Variants in NAALAD2 observed in about 807,000 individuals in gnomAD.
The protein encoded by NAALAD2 is N-acetylated-alpha-linked acidic dipeptidase 2.
In NAALAD2, 89 loss-of-function variants were observed where a neutral mutation model predicts 95.6. The observed-to-expected ratio is 0.93, with a 90% CI of 0.78 to 1.11. NAALAD2 has a LOEUF of 1.11. Ranked by LOEUF, NAALAD2 falls within the 50% of genes least tolerant of loss-of-function variation. The pLI is 0.00. For synonymous variants in NAALAD2, 264 were observed against 294.4 expected, an observed-to-expected ratio of 0.90 and a Z score of 1.06; for missense variants, 894 against 872.4, an observed-to-expected ratio of 1.02 and a Z score of -0.31.
intron 14 of NAALAD2, among the ~76,000 whole-genome samples, chr11:90,174,593 T>C (rs542315806): frequency 1.3e-5 from 2 of 152,090 alleles, no homozygotes; most frequent in Non-Finnish European, 2.9e-5. Context: ...CTTGTAAATT[T>C]ATTAAGGAAC....
intron 2 of NAALAD2, among the ~76,000 whole-genome samples, chr11:90,137,314 T>A (rs1202716906): frequency 6.6e-6 from 1 of 152,164 alleles, no homozygotes; most frequent in Non-Finnish European, 1.5e-5. Flanking sequence ...ATAGGGCAAC[T>A]ATAGTTAACA....
At chr11:90,164,832 T>G (rs1952390294) in intron 11 of NAALAD2, among the ~76,000 whole-genome samples, 1 of 152,182 alleles carries the variant, frequency 6.6e-6, no homozygotes. Context: ...GTTTGAAATG[T>G]TAAACCTATA....
At chr11:90,135,793 C>CA in intron 2 of NAALAD2, 123 bp downstream of exon 2, 1 of 607,806 alleles carries the variant, frequency 1.6e-6, no homozygotes, top group Non-Finnish European at 2.4e-6. Flanking sequence ...TATTAGTCAT[C>CA]AACTTTTTTT....
chr11:90,165,988 C>T (rs1480263350), intron 11 of NAALAD2, among the ~76,000 whole-genome samples: 4 of 152,182 alleles, frequency 2.6e-5, no homozygotes, highest in Non-Finnish European at 4.4e-5. Flanking sequence ...TGATTATATT[C>T]AGTAGCATGC....
Position 90,168,972 on chromosome 11 carries a change from A to G in NAALAD2, c.1322A>G (p.Asn441Ser). 6.2e-7 allele frequency: 1 copy of G among 1,605,066 alleles called. No individual in the cohort carries two copies. The highest frequency in any genetic ancestry group is 8.5e-7 in the Non-Finnish European group (1 of 1,177,236). ...CAGGAGAGAAGCATTGCTTATATCA[A>G]CTCGGATTCATCTATAGAAGGTAAA... ...ILQERSIAYI[N>S]SDSSIEGNYT... The change falls in exon 12 of 19, where the codon AAC becomes AGC. Residue 441 changes from asparagine to serine, a missense_variant. Transcript: ENST00000534061.
At chr11:90,144,751 A>AAAAAAAAAC (rs1302470810) in intron 2 of NAALAD2, among the ~76,000 whole-genome samples, 1 of 150,958 alleles carries the variant, frequency 6.6e-6, no homozygotes, top group Non-Finnish European at 1.5e-5. Context: ...AAAAAAAAAA[A>AAAAAAAAAC]AAAACGGAAA....
intron 4 of NAALAD2, among the ~76,000 whole-genome samples, chr11:90,150,100 C>T (rs1951847566): frequency 6.6e-6 from 1 of 151,858 alleles, no homozygotes; most frequent in African/African-American, 2.4e-5. Context: ...TTAAAAAATA[C>T]AAAAATTATC....
chr11:90,162,749 CATA>C (rs1952331532), intron 8 of NAALAD2, 197 bp from the exon 9 acceptor site: 1 of 340,368 alleles, frequency 2.9e-6, no homozygotes, highest in African/African-American at 2.1e-5. Flanking sequence ...AGTAAATTGG[CATA>C]ATGTCTGTAC....
intron 6 of NAALAD2, among the ~76,000 whole-genome samples, chr11:90,157,104 A>G (rs1171200398): frequency 6.6e-6 from 1 of 152,154 alleles, no homozygotes; most frequent in Non-Finnish European, 1.5e-5. Flanking sequence ...ATTAGGTCAA[A>G]TTAGTTAATA....
chr11:90,150,711 T>G, intron 5 of NAALAD2, 104 bp downstream of exon 5: 1 of 1,057,498 alleles, frequency 9.5e-7, no homozygotes, highest in Non-Finnish European at 1.2e-6. Context: ...TTCAAACATT[T>G]CTTTTCTTTT....
chr11:90,168,977 G>T lies in NAALAD2; in HGVS notation c.1327G>T (p.Asp443Tyr). Reference sequence around the variant, plus strand: ...GAGAAGCATTGCTTATATCAACTCGGATTCATCTATAGAAGGTAAATTTTA... The same window carrying T: ...GAGAAGCATTGCTTATATCAACTCGTATTCATCTATAGAAGGTAAATTTTA... ...QERSIAYINS[D>Y]SSIEGNYTLR... The change falls in exon 12 of 19, where the codon GAT (aspartate) becomes TAT (tyrosine). Residue 443 changes from aspartate to tyrosine, a missense_variant. Asp to Tyr is a radical substitution (Grantham distance 160). Transcript: ENST00000534061. 1 of 1,603,292 alleles carries T rather than the reference G, an allele frequency of 6.2e-7. No individual in the cohort carries two copies. Among genetic ancestry groups the T allele is most frequent in the Non-Finnish European group, 8.5e-7 (1 of 1,176,536 alleles).
At chr11:90,172,741 G>T (rs1443817861) in intron 13 of NAALAD2, among the ~76,000 whole-genome samples, 2 of 152,018 alleles carry the variant, frequency 1.3e-5, no homozygotes, top group African/African-American at 2.4e-5. Context: ...CTCTGTTTCC[G>T]CATCTCTTTT....
chr11:90,145,181 G>A (rs1951720553), intron 2 of NAALAD2, among the ~76,000 whole-genome samples: 2 of 152,150 alleles, frequency 1.3e-5, no homozygotes, highest in African/African-American at 4.8e-5. Context: ...ACAAAAGAAG[G>A]AATAGTTGTT....
chr11:90,158,171 G>T lies in NAALAD2; in HGVS notation c.823G>T (p.Glu275Ter), dbSNP rs376610638. The part of the protein sequence containing the change: ...KEYTFRLDVE[E>*]GVGIPRIPVH... ...ATACACTTTCAGACTTGATGTTGAA[G>T]AAGGAGTGGGAATCCCCCGAATACC... is the stretch of plus-strand genomic sequence containing the variant. The change falls in exon 7 of 19, where the codon GAA becomes TAA. Residue 275 changes from glutamate (E) to a stop codon, truncating the protein, a stop_gained. Transcript: ENST00000534061. LOFTEE classifies it high-confidence loss of function. The T allele has an allele frequency of 1.9e-6, 3 of 1,608,510 alleles. No homozygotes were observed. In the African/African-American group the frequency reaches 4.0e-5, roughly 22 times the overall value.
upstream of NAALAD2, among the ~76,000 whole-genome samples, chr11:90,134,253 G>A (rs541260318): frequency 1.5e-4 from 23 of 152,250 alleles, 1 homozygote; most frequent in South Asian, 1.9e-3. Flanking sequence ...CAGTGATTGC[G>A]GTATTAGTGA....
rs1470224690 is a variant in NAALAD2 at position 90,158,185 on chromosome 11, C to A, written c.837C>A (p.Ile279=). ...FRLDVEEGVG[I]PRIPVHPIGY... Reference sequence around the variant, plus strand: ...TTGATGTTGAAGAAGGAGTGGGAATCCCCCGAATACCTGTACATCCCATTG... The same window carrying A: ...TTGATGTTGAAGAAGGAGTGGGAATACCCCGAATACCTGTACATCCCATTG... The change falls in exon 7 of 19, where the codon ATC becomes ATA. Residue 279 remains isoleucine, a synonymous_variant. Transcript: ENST00000534061. 6.2e-7 allele frequency: 1 copy of A among 1,609,830 alleles called. No homozygotes were observed. Among genetic ancestry groups the A allele is most frequent in the Non-Finnish European group, 8.5e-7 (1 of 1,177,638 alleles).
chr11:90,171,348 A>G (rs1215778891), intron 13 of NAALAD2, among the ~76,000 whole-genome samples: 1 of 152,144 alleles, frequency 6.6e-6, no homozygotes, highest in Non-Finnish European at 1.5e-5. Flanking sequence ...TAGTTTTCCA[A>G]ATGAAACTCC....
chr11:90,173,408 T>C (rs1435494380), intron 13 of NAALAD2, among the ~76,000 whole-genome samples: 2 of 152,196 alleles, frequency 1.3e-5, no homozygotes, highest in Non-Finnish European at 2.9e-5. Context: ...GAGACCTCTT[T>C]ATAGGTCTTA....
chr11:90,170,386 C>T (rs1434893669), intron 13 of NAALAD2, among the ~76,000 whole-genome samples: 2 of 152,120 alleles, frequency 1.3e-5, no homozygotes, highest in East Asian at 3.9e-4. Context: ...ATGTATTTAT[C>T]TGGCAGAGGT....
Sources: gnomAD v4.1 joint callset for allele counts (sites outside exome capture counted in the v4.1 genomes callset) on GRCh38, gnomAD v4.1.1 for gene constraint, MANE v1.5 for transcripts, NCBI Gene and HGNC (gene_info 2026-07-23, HGNC 2026-07-21) for gene names.